The following HK2 variants were observed in gnomAD, a reference collection of about 807,000 sequenced individuals.
HK2 encodes hexokinase-2.
A neutral mutation model predicts 92.9 loss-of-function variants in HK2; 42 were observed. The observed-to-expected ratio is 0.45, with a 90% CI of 0.35 to 0.58. The LOEUF (loss-of-function observed/expected upper bound fraction) is 0.58. HK2 is among the 20% of genes least tolerant of loss of function. The pLI, the probability that HK2 is intolerant of heterozygous loss-of-function variation, is 0.00. For missense variants in HK2, 978 were observed against 1,245.1 expected (o/e 0.79, Z 3.23); for synonymous variants, 422 against 468.0 (o/e 0.90, Z 1.27).
chr2:74,855,543 T>C (rs762742398), intron 2 of HK2, among the ~76,000 whole-genome samples: 6 of 152,176 alleles, frequency 3.9e-5, no homozygotes, highest in Non-Finnish European at 8.8e-5. Context: ...CCAGAATCCT[T>C]ATTTTATGGT....
intron 2 of HK2, among the ~76,000 whole-genome samples, chr2:74,856,525 A>G (rs2103894568): frequency 6.6e-6 from 1 of 152,318 alleles, no homozygotes; most frequent in Non-Finnish European, 1.5e-5. Flanking sequence ...AGATAAATGT[A>G]CACACTCCGG....
intron 1 of HK2, among the ~76,000 whole-genome samples, chr2:74,836,246 A>T (rs951525555): frequency 1.3e-5 from 2 of 152,216 alleles, no homozygotes; most frequent in African/African-American, 4.8e-5. Context: ...ACCCCAGGAC[A>T]TTTGAATCCT....
At chr2:74,851,666 G>A (rs115926795) in intron 1 of HK2, among the ~76,000 whole-genome samples, 5,780 of 152,252 alleles carry the variant, frequency 0.038, 148 homozygotes, top group Non-Finnish European at 0.058. Flanking sequence ...TCCATAGAGG[G>A]TGGAGGTGGG....
chr2:74,873,301 G>T lies in HK2; in HGVS notation c.521G>T (p.Gly174Val), dbSNP rs1689145151. Reference sequence around the variant, plus strand: ...AGTTTCCTGGTCTCATGGACCAAGGGATTCAAGTCCAGTGGAGTGGAAGGC... The same window carrying T: ...AGTTTCCTGGTCTCATGGACCAAGGTATTCAAGTCCAGTGGAGTGGAAGGC... Reference protein sequence around the residue: ...DESFLVSWTKGFKSSGVEGRD... With the variant: ...DESFLVSWTKVFKSSGVEGRD... The change falls in exon 5 of 18, where the codon GGA (glycine) becomes GTA (valine). Residue 174 changes from glycine (G) to valine (V), a missense_variant. Transcript: ENST00000290573. 1 of 1,613,834 alleles carries T rather than the reference G, an allele frequency of 6.2e-7. No homozygotes were observed. The highest frequency in any genetic ancestry group is 1.1e-5 in the South Asian group (1 of 91,076).
At chr2:74,885,635 A>C in intron 13 of HK2, 46 bp downstream of exon 13, 1 of 1,230,240 alleles carries the variant, frequency 8.1e-7, no homozygotes, top group South Asian at 1.2e-5. Flanking sequence ...CTCCTCAATG[A>C]TTGGCCTGGT....
At chr2:74,840,381 A>C (rs1688276295) in intron 1 of HK2, among the ~76,000 whole-genome samples, 1 of 151,884 alleles carries the variant, frequency 6.6e-6, no homozygotes, top group East Asian at 1.9e-4. Context: ...CACAGTTGGC[A>C]ATGGGAGTAA....
In HK2 at chr2:74,889,243, A is replaced by G. The variant is rs780067864; in HGVS notation, c.2376-2A>G. ...ACACTTGCTGTCTCCCTCCCACCCC[A>G]GTGACTGCCTGGCCCTGCTGCAAGT... is the stretch of plus-strand genomic sequence containing the variant. On this transcript the variant is annotated splice_acceptor_variant, in intron 16 of 17. Coordinates refer to ENST00000290573, the MANE Select transcript of HK2 (RefSeq NM_000189.5). LOFTEE classifies it high-confidence loss of function. 6.2e-7 allele frequency: 1 copy of G among 1,612,526 alleles called. No homozygotes were observed.
intron 11 of HK2, 44 bp downstream of exon 11, chr2:74,881,903 C>A: frequency 6.2e-7 from 1 of 1,605,174 alleles, no homozygotes; most frequent in South Asian, 1.1e-5. Context: ...TGGTGGACGT[C>A]ACCTCTTGCC....
intron 6 of HK2, 145 bp downstream of exon 6, chr2:74,874,088 G>T (rs1689165476): frequency 1.0e-6 from 1 of 966,456 alleles, no homozygotes; most frequent in African/African-American, 1.6e-5. Flanking sequence ...GAGCCGAGCA[G>T]GGACTCATGG....
intron 1 of HK2, among the ~76,000 whole-genome samples, chr2:74,842,559 C>G (rs974893872): frequency 1.1e-4 from 16 of 152,302 alleles, no homozygotes; most frequent in African/African-American, 3.6e-4. Context: ...CCCTGGATAA[C>G]TCCCAAGAGC....
intron 17 of HK2, among the ~76,000 whole-genome samples, chr2:74,890,108 C>T (rs1240790436): frequency 6.6e-6 from 1 of 152,116 alleles, no homozygotes; most frequent in Non-Finnish European, 1.5e-5. Context: ...AGGCAACAGC[C>T]ACAGGCTGTT....
In HK2 at chr2:74,889,546, C is replaced by G. The variant is rs542595991; in HGVS notation, c.2609+68C>G. On this transcript the variant is annotated intron_variant, in intron 17 of 17. Coordinates refer to ENST00000290573, the MANE Select transcript of HK2 (RefSeq NM_000189.5). ...TCTTTGTTCTTTCCCTTTTCTTTCTCTCTTTCCTTTGTTACTTTATAGTGA... is the reference window on the plus strand; with the variant it reads ...TCTTTGTTCTTTCCCTTTTCTTTCTGTCTTTCCTTTGTTACTTTATAGTGA... The G allele has an allele frequency of 4.7e-6, 5 of 1,069,268 alleles. No individual in the cohort carries two copies. The Admixed American group carries it at 5.9e-5, about 13-fold the overall frequency. 66.2% of individuals were successfully genotyped at this position (1,069,268 alleles called of 1,614,324 possible). A position where few individuals can be genotyped will look rare whatever the true frequency, so the allele number is the denominator to read the frequency against.
intron 10 of HK2, among the ~76,000 whole-genome samples, chr2:74,880,920 C>T (rs1412717618): frequency 2.6e-5 from 4 of 152,240 alleles, no homozygotes; most frequent in Non-Finnish European, 1.5e-5. Flanking sequence ...CCTAAATTCA[C>T]ACAACTAGAA....
chr2:74,857,216 G>T (rs6754642), intron 2 of HK2, among the ~76,000 whole-genome samples: 26,391 of 152,144 alleles, frequency 0.17, 2,877 homozygotes, highest in East Asian at 0.32. Flanking sequence ...CTGGGACTCA[G>T]CCTTTGCTTT....
intron 6 of HK2, 128 bp from the exon 7 acceptor site, chr2:74,874,138 C>T (rs1689166608): frequency 8.4e-7 from 1 of 1,188,102 alleles, no homozygotes; most frequent in Non-Finnish European, 1.2e-6. Flanking sequence ...TATTGTGATG[C>T]CCCCAGAGTC....
chr2:74,889,534 C>A lies in HK2; in HGVS notation c.2609+56C>A. 8.6e-6 allele frequency: 10 copies of A among 1,163,512 alleles called. No individual in the cohort carries two copies. In the South Asian group the frequency reaches 1.2e-4, roughly 14 times the overall value. 72.1% of individuals were successfully genotyped at this position (1,163,512 alleles called of 1,614,324 possible). On this transcript the variant is annotated intron_variant, in intron 17 of 17. Coordinates refer to ENST00000290573, the MANE Select transcript of HK2 (RefSeq NM_000189.5). Reference sequence around the variant, plus strand: ...ACCTTCTTTCTGTCTTTGTTCTTTCCCTTTTCTTTCTCTCTTTCCTTTGTT... The same window carrying A: ...ACCTTCTTTCTGTCTTTGTTCTTTCACTTTTCTTTCTCTCTTTCCTTTGTT...
chr2:74,843,798 G>A (rs191092504), intron 1 of HK2, among the ~76,000 whole-genome samples: 1 of 152,274 alleles, frequency 6.6e-6, no homozygotes, highest in African/African-American at 2.4e-5. Context: ...ATTCGAAACT[G>A]CCACTTTTCC....
intron 7 of HK2, among the ~76,000 whole-genome samples, chr2:74,875,327 G>GTTTTTT (rs61418530): frequency 7.1e-5 from 8 of 112,066 alleles, no homozygotes; most frequent in Admixed American, 9.8e-5. Flanking sequence ...CCTTGCTTTC[G>GTTTTTT]TTTTTTTTTT....
intron 1 of HK2, among the ~76,000 whole-genome samples, chr2:74,839,951 CTTTTT>C (rs773321768): frequency 2.1e-5 from 2 of 97,032 alleles, no homozygotes; most frequent in Admixed American, 1.1e-4. Flanking sequence ...TGCGCCTGGC[CTTTTT>C]TTTTTTTTTT....
Sources: gnomAD v4.1 joint callset for allele counts (sites outside exome capture counted in the v4.1 genomes callset) on GRCh38, gnomAD v4.1.1 for gene constraint, MANE v1.5 for transcripts, NCBI Gene and HGNC (gene_info 2026-07-23, HGNC 2026-07-21) for gene names.